The following ERC1 variants were observed in gnomAD, a reference collection of about 807,000 sequenced individuals.
ERC1 encodes the protein RAB6 interacting protein 2.
In ERC1, 56 loss-of-function variants were observed where a neutral mutation model predicts 132.0. That is an observed-to-expected ratio of 0.42 (90% confidence interval 0.34 to 0.53). ERC1 has a LOEUF of 0.53. Among genes scored for constraint, ERC1 ranks in the 20% least tolerant of loss-of-function variants. The pLI is 0.03. For synonymous variants in ERC1, 478 were observed against 476.1 expected (o/e 1.00, Z -0.05); for missense variants, 1,202 against 1,349.9 (o/e 0.89, Z 1.72).
chr12:1,371,072 T>C (rs2087169566), intron 15 of ERC1, among the ~76,000 whole-genome samples: 1 of 152,214 alleles, frequency 6.6e-6, no homozygotes. Flanking sequence ...TCTACCCTCT[T>C]AATCACTTAA....
chr12:1,343,704 A>C (rs146714975), intron 15 of ERC1, among the ~76,000 whole-genome samples: 10 of 152,054 alleles, frequency 6.6e-5, no homozygotes, highest in Non-Finnish European at 1.0e-4. Flanking sequence ...TTCATTCTTC[A>C]TATTACTAGG....
chr12:1,394,217 G>C (rs11061747), intron 16 of ERC1, among the ~76,000 whole-genome samples: 1 of 149,548 alleles, frequency 6.7e-6, no homozygotes, highest in Non-Finnish European at 1.5e-5. Flanking sequence ...TGGCTAACAC[G>C]GTGAAACCCC....
intron 2 of ERC1, among the ~76,000 whole-genome samples, chr12:1,069,577 C>T (rs560699212): frequency 2.7e-4 from 41 of 152,094 alleles, no homozygotes; most frequent in African/African-American, 9.2e-4. Flanking sequence ...TGATATTATT[C>T]GTATAGTGGA....
At chr12:1,373,960 C>A (rs1259575489) in intron 16 of ERC1, among the ~76,000 whole-genome samples, 1 of 152,166 alleles carries the variant, frequency 6.6e-6, no homozygotes, top group Non-Finnish European at 1.5e-5. Context: ...GGAGTCCTTC[C>A]TACAGTCATC....
intron 3 of ERC1, among the ~76,000 whole-genome samples, chr12:1,102,676 A>T (rs1303414048): frequency 6.6e-6 from 1 of 152,260 alleles, no homozygotes; most frequent in Admixed American, 6.5e-5. Flanking sequence ...CAGTGAATGA[A>T]TGAAACAAAG....
chr12:1,099,721 CAGTTATA>C lies in ERC1; in HGVS notation c.1087-5027_1087-5021del, dbSNP rs915878010. ...ATAGGAGAGACAAACAATAAACAAACAGTTATAAATACCAAGAAAAAAGTAGATCTTG... is the reference window on the plus strand; with the variant it reads ...ATAGGAGAGACAAACAATAAACAAACAATACCAAGAAAAAAGTAGATCTTG... On this transcript the variant is annotated intron_variant, in intron 3 of 18. Coordinates refer to ENST00000360905, the MANE Select transcript of ERC1 (RefSeq NM_178040.4). Among the ~76,000 whole-genome samples the C allele has an allele frequency of 1.1e-4, 17 of 150,060 alleles. 1 individual carries two copies. The Middle Eastern group carries it at 0.01, about 91-fold the overall frequency.
Position 1,458,240 on chromosome 12 carries a change from G to A in ERC1, c.3213+13490G>A, listed in dbSNP as rs958868797. The stretch of plus-strand genomic sequence containing the variant: ...TAGCATGAGTGGAAATAGCAGGCCA[G>A]GGCCAAGAAAGTGGCCCACATGGTT... On this transcript the variant is annotated intron_variant, in intron 18 of 18. Transcript: ENST00000360905. 3.3e-5 allele frequency among the ~76,000 whole-genome samples: 5 copies of A among 152,332 alleles called. No individual in the cohort carries two copies. In the South Asian group the frequency reaches 6.2e-4, roughly 19 times the overall value.
intron 7 of ERC1, among the ~76,000 whole-genome samples, chr12:1,123,648 G>T (rs572526073): frequency 6.6e-6 from 1 of 152,290 alleles, no homozygotes; most frequent in African/African-American, 2.4e-5. Context: ...AGAAACAGTA[G>T]ATCAAGAAAA....
chr12:1,028,407 G>A lies in ERC1; in HGVS notation c.504G>A (p.Leu168=). The A allele has an allele frequency of 6.2e-7, 1 of 1,614,164 alleles. No individual in the cohort carries two copies. The highest frequency in any genetic ancestry group is 8.5e-7 in the Non-Finnish European group (1 of 1,180,026). The change falls in exon 2 of 19, where the codon TTG becomes TTA. Residue 168 remains leucine, a synonymous_variant. Transcript: ENST00000360905. ...LKEVLRENDL[L]RKDVEVKESK... is the part of the protein sequence containing the mutation. ...AAGTATTAAGAGAAAATGATCTCTT[G>A]CGGAAGGATGTGGAAGTAAAGGAGA...
intron 15 of ERC1, among the ~76,000 whole-genome samples, chr12:1,356,213 A>T (rs752427964): frequency 0.13 from 16,989 of 129,438 alleles, 2,329 homozygotes; most frequent in African/African-American, 0.39. Flanking sequence ...AAAAAAAAAA[A>T]GTGTGTGTGT....
chr12:1,389,704 C>G (rs549969484), intron 16 of ERC1, among the ~76,000 whole-genome samples: 1 of 152,284 alleles, frequency 6.6e-6, no homozygotes, highest in South Asian at 2.1e-4. Context: ...TAATAAAGCT[C>G]TGTTCCTGGA....
At chr12:1,278,677 C>T (rs1275727825) in intron 14 of ERC1, among the ~76,000 whole-genome samples, 2 of 152,124 alleles carry the variant, frequency 1.3e-5, no homozygotes, top group African/African-American at 4.8e-5. Context: ...TTTAGTAACT[C>T]TGTACTTAAA....
Position 1,028,409 on chromosome 12 carries a change from G to A in ERC1, c.506G>A (p.Arg169Gln), listed in dbSNP as rs200160550. Residue 169 changes from arginine to glutamine, a missense_variant, in exon 2 of 19, where the codon CGG becomes CAG. Arg to Gln is a conservative substitution (Grantham distance 43). Coordinates refer to ENST00000360905, the MANE Select transcript of ERC1 (RefSeq NM_178040.4). ...GTATTAAGAGAAAATGATCTCTTGC[G>A]GAAGGATGTGGAAGTAAAGGAGAGC... ...KEVLRENDLLRKDVEVKESKL... is the reference protein window; with the variant it reads ...KEVLRENDLLQKDVEVKESKL... 263 of 1,614,094 alleles carry A rather than the reference G, an allele frequency of 1.6e-4. No individual in the cohort carries two copies. The highest frequency in any genetic ancestry group is 2.2e-4 in the Non-Finnish European group (258 of 1,179,988).
rs1453944949 is a variant in ERC1, at chr12:1,481,147, A to G, written c.3214-8946A>G. On this transcript the variant is annotated intron_variant, in intron 18 of 18. Transcript: ENST00000360905. ...AACTTATGAATTGTTTATTTCTGGA[A>G]TTTTCCATTTAATATTTCCAGATCG... is the stretch of plus-strand genomic sequence containing the variant. Among the ~76,000 whole-genome samples the G allele has an allele frequency of 2.0e-5, 3 of 152,348 alleles. No homozygotes were observed. In the East Asian group the frequency reaches 5.8e-4, roughly 29 times the overall value.
At chr12:1,032,948 C>T (rs1429374791) in intron 2 of ERC1, among the ~76,000 whole-genome samples, 1 of 152,042 alleles carries the variant, frequency 6.6e-6, no homozygotes, top group African/African-American at 2.4e-5. Context: ...CCTTGGCTCA[C>T]TGCAACCTCC....
intron 15 of ERC1, among the ~76,000 whole-genome samples, chr12:1,369,734 T>A (rs1412213956): frequency 2.0e-5 from 3 of 152,342 alleles, no homozygotes; most frequent in Admixed American, 6.5e-5. Context: ...TCATTATCCC[T>A]TTAGTGTTGA....
intron 16 of ERC1, among the ~76,000 whole-genome samples, chr12:1,394,371 G>A (rs2090347859): frequency 6.6e-6 from 1 of 152,220 alleles, no homozygotes; most frequent in East Asian, 1.9e-4. Flanking sequence ...CTGCACTCTA[G>A]CCTGGGTGAC....
intron 18 of ERC1, among the ~76,000 whole-genome samples, chr12:1,482,433 GTTTTTTTGTTTGTGT>G (rs1317921956): frequency 6.6e-6 from 1 of 151,628 alleles, no homozygotes; most frequent in Admixed American, 6.6e-5. Context: ...TTTTTAAAGA[GTTTTTTTGTTTGTGT>G]TTTTTTTGTT....
chr12:993,978 A>C (rs1432913605), intron 1 of ERC1, among the ~76,000 whole-genome samples: 2 of 144,858 alleles, frequency 1.4e-5, no homozygotes, highest in African/African-American at 5.0e-5. Context: ...CTGAGGCAGG[A>C]GAATTGCTTG....
Sources: allele counts gnomAD v4.1 joint callset (sites outside exome capture counted in the v4.1 genomes callset), GRCh38; gene constraint gnomAD v4.1.1; transcripts MANE v1.5; gene names NCBI Gene and HGNC (gene_info 2026-07-23, HGNC 2026-07-21).